Variants in ACTN3 observed in about 807,000 individuals in gnomAD.
The protein encoded by ACTN3 is alpha-actinin-3.
In ACTN3, 91 loss-of-function variants were observed where a neutral mutation model predicts 119.6. That is an observed-to-expected ratio of 0.76 (90% CI 0.64 to 0.91). The LOEUF is 0.91. ACTN3 is among the 40% of genes least tolerant of loss of function. The pLI is 0.00. For missense variants in ACTN3, 1,221 were observed against 1,215.1 expected, an observed-to-expected ratio of 1.00 and a Z score of -0.07; for synonymous variants, 456 against 478.8, an observed-to-expected ratio of 0.95 and a Z score of 0.62.
At chr11:66,558,740 T>C (rs1042673035) in intron 11 of ACTN3, 2 of 161,466 alleles carry the variant, frequency 1.2e-5, no homozygotes, top group Admixed American at 6.0e-5. Context: ...CTGCTCTGAT[T>C]AATTCAATTT....
intron 12 of ACTN3, among the ~76,000 whole-genome samples, chr11:66,559,612 T>C (rs1857695270): frequency 1.4e-5 from 2 of 147,460 alleles, no homozygotes; most frequent in African/African-American, 5.1e-5. Flanking sequence ...TTGACCTGTC[T>C]CACTCCGTGA....
At chr11:66,559,933 G>C in intron 12 of ACTN3, 35 bp from the exon 13 acceptor site, 1 of 1,557,446 alleles carries the variant, frequency 6.4e-7, no homozygotes. Flanking sequence ...CTGGGCTGGG[G>C]CTGGCCCCAC....
chr11:66,554,370 A>T, intron 4 of ACTN3, 166 bp from the exon 5 acceptor site: 1 of 195,684 alleles, frequency 5.1e-6, no homozygotes, highest in Non-Finnish European at 9.0e-6. Flanking sequence ...AGGTAGGAGG[A>T]TCGCTTGAGC....
upstream of ACTN3, chr11:66,546,736 C>T: frequency 6.5e-7 from 1 of 1,535,798 alleles, no homozygotes; most frequent in Non-Finnish European, 8.7e-7. Context: ...GAGATCCACC[C>T]CGGCGCCCCC....
chr11:66,557,111 C>G (rs1393781755), intron 8 of ACTN3, 22 bp from the exon 9 acceptor site: 1 of 1,549,836 alleles, frequency 6.5e-7, no homozygotes. Context: ...TAATGCCAGC[C>G]TTCTGCCCAC....
rs1262203036 is a variant in ACTN3, at chr11:66,561,411, G to T, written c.1996-47G>T. 5 of 1,605,964 alleles carry T rather than the reference G, an allele frequency of 3.1e-6. No individual in the cohort carries two copies. The African/African-American group carries it at 5.3e-5, about 17-fold the overall frequency. On this transcript the variant is annotated intron_variant, in intron 16 of 20. Coordinates refer to ENST00000513398, the MANE Select transcript of ACTN3 (RefSeq NM_001104.4). The stretch of plus-strand genomic sequence containing the variant: ...ACCTGGGGGGATGGGGCCAGGGCTG[G>T]GCCACAGGGAGTTGGGAGCCCTCAT...
rs1255140325 is a variant in ACTN3 at position 66,560,155 on chromosome 11, C to T, written c.1537-16C>T. Reference sequence around the variant, plus strand: ...TGCAGGGCAGGCTTCTGACCCACTACGCCTCCCACCTCTAGCGGATGGAGA... The same window carrying T: ...TGCAGGGCAGGCTTCTGACCCACTATGCCTCCCACCTCTAGCGGATGGAGA... On this transcript the variant is annotated splice_polypyrimidine_tract_variant and intron_variant, in intron 13 of 20. Transcript: ENST00000513398. The T allele has an allele frequency of 1.3e-5, 21 of 1,588,166 alleles. No individual in the cohort carries two copies. The highest frequency in any genetic ancestry group is 2.7e-5 in the African/African-American group (2 of 74,388).
chr11:66,551,755 C>A, intron 3 of ACTN3, 108 bp downstream of exon 3: 1 of 1,476,750 alleles, frequency 6.8e-7, no homozygotes, highest in Non-Finnish European at 9.1e-7. Flanking sequence ...TGAGAATAAT[C>A]CCTGCCTCGC....
At chr11:66,556,426 C>T (rs988599089) in intron 8 of ACTN3, among the ~76,000 whole-genome samples, 196 bp downstream of exon 8, 1 of 152,152 alleles carries the variant, frequency 6.6e-6, no homozygotes, top group Non-Finnish European at 1.5e-5. Context: ...TCCCCCAATC[C>T]CTTTCCCAAT....
chr11:66,559,775 C>T (rs1857700078), intron 12 of ACTN3, among the ~76,000 whole-genome samples, 193 bp from the exon 13 acceptor site: 1 of 150,586 alleles, frequency 6.6e-6, no homozygotes, highest in Admixed American at 6.7e-5. Flanking sequence ...CAGCTAAGGA[C>T]CCGCGGGCGC....
rs1308027306 is a variant in ACTN3 at position 66,551,268 on chromosome 11, G to A, written c.177G>A (p.Leu59=). ...TCACTGCCTGGTGCAACTCACACCTGCGCAAGGCAGGCACCCAGATCGAGA... is the reference window on the plus strand; with the variant it reads ...TCACTGCCTGGTGCAACTCACACCTACGCAAGGCAGGCACCCAGATCGAGA... ...KTFTAWCNSH[L]RKAGTQIENI... The change falls in exon 2 of 21, where the codon CTG becomes CTA. Residue 59 remains leucine (L), a synonymous_variant. Coordinates refer to ENST00000513398, the MANE Select transcript of ACTN3 (RefSeq NM_001104.4). 1 of 1,612,084 alleles carries A rather than the reference G, an allele frequency of 6.2e-7. No homozygotes were observed. The highest frequency in any genetic ancestry group is 8.5e-7 in the Non-Finnish European group (1 of 1,179,086).
intron 3 of ACTN3, 145 bp downstream of exon 3, chr11:66,551,792 C>A (rs1565303874): frequency 1.6e-6 from 2 of 1,228,972 alleles, no homozygotes; most frequent in Non-Finnish European, 2.2e-6. Context: ...AGCCAGTATG[C>A]CAGCCAGGCA....
At chr11:66,554,358 T>A (rs1268044353) in intron 4 of ACTN3, among the ~76,000 whole-genome samples, 178 bp from the exon 5 acceptor site, 2 of 145,508 alleles carry the variant, frequency 1.4e-5, no homozygotes, top group Non-Finnish European at 3.0e-5. Context: ...CTAGGGAGGC[T>A]GAGGTAGGAG....
At position 66,554,571 on chromosome 11, in the gene ACTN3, C is replaced by T; in HGVS notation, c.505C>T (p.Gln169Ter). Residue 169 changes from glutamine (Q) to a stop codon, truncating the protein, a stop_gained, in exon 5 of 21, where the codon CAG becomes TAG. Coordinates refer to ENST00000513398, the MANE Select transcript of ACTN3 (RefSeq NM_001104.4). LOFTEE classifies it high-confidence loss of function. ...CAAGGAAGGCTTGCTTCTGTGGTGCCAGAGGAAGACAGCACCGTACCGCAA... is the reference window on the plus strand; with the variant it reads ...CAAGGAAGGCTTGCTTCTGTGGTGCTAGAGGAAGACAGCACCGTACCGCAA... ...SAKEGLLLWC[Q>*]RKTAPYRNVN... is the part of the protein sequence containing the mutation. 1 of 1,612,284 alleles carries T rather than the reference C, an allele frequency of 6.2e-7. No homozygotes were observed.
chr11:66,560,673 G>A lies in ACTN3; in HGVS notation c.1778G>A (p.Cys593Tyr). 3 of 1,613,928 alleles carry A rather than the reference G, an allele frequency of 1.9e-6. No homozygotes were observed. The highest frequency in any genetic ancestry group is 2.5e-6 in the Non-Finnish European group (3 of 1,179,882). The change falls in exon 15 of 21, where the codon TGC becomes TAC. Residue 593 changes from cysteine to tyrosine, a missense_variant. Physicochemically the swap from Cys to Tyr is radical, Grantham distance 194. This residue lies in a region of ACTN3 where 934 missense variants were observed against 899.9 expected (regional missense o/e 1.04). Transcript: ENST00000513398. Reference protein sequence around the residue: ...MGIQGEIQKICQTYGLRPCST... With the variant: ...MGIQGEIQKIYQTYGLRPCST... ...ATCCAGGGTGAGATCCAGAAGATCT[G>A]CCAGACGTATGGGCTGCGGCCCTGC...
chr11:66,551,085 G>A (rs761686275), intron 1 of ACTN3, 154 bp from the exon 2 acceptor site: 2 of 713,670 alleles, frequency 2.8e-6, no homozygotes, highest in South Asian at 1.5e-5. Context: ...AAAGGGACTG[G>A]CCCAGGATGC....
At chr11:66,553,797 G>A (rs1857526823) in intron 3 of ACTN3, among the ~76,000 whole-genome samples, 1 of 147,816 alleles carries the variant, frequency 6.8e-6, no homozygotes, top group Admixed American at 6.8e-5. Flanking sequence ...GTGAACCTGG[G>A]AGGCGGAGAT....
intron 3 of ACTN3, 106 bp from the exon 4 acceptor site, chr11:66,553,939 T>A: frequency 1.3e-6 from 1 of 792,092 alleles, no homozygotes; most frequent in Non-Finnish European, 2.0e-6. Context: ...AGCCCTGAAA[T>A]GGGAGACAAG....
chr11:66,561,995 G>A, intron 17 of ACTN3, 27 bp from the exon 18 acceptor site: 1 of 1,585,594 alleles, frequency 6.3e-7, no homozygotes, highest in Non-Finnish European at 8.6e-7. Flanking sequence ...GCCGCCCACT[G>A]ACAGTGGCCT....
Sources: gnomAD v4.1 joint callset for allele counts (sites outside exome capture counted in the v4.1 genomes callset) on GRCh38, gnomAD v4.1.1 for gene constraint, gnomAD v4.1.1 regional missense constraint, MANE v1.5 for transcripts, NCBI Gene and HGNC (gene_info 2026-07-23, HGNC 2026-07-21) for gene names.